The following TOP6BL variants were observed in gnomAD, a reference collection of about 807,000 sequenced individuals.
TOP6BL encodes the protein type 2 DNA topoisomerase 6 subunit B-like.
chr11:66,751,927 C>A, the TOP6BL span, among the ~76,000 whole-genome samples: 1 of 152,120 alleles, frequency 6.6e-6, no homozygotes, highest in African/African-American at 2.4e-5. Context: ...TTGTCTAAAT[C>A]TACTCAATAT....
At chr11:66,767,557 A>G in the TOP6BL span, among the ~76,000 whole-genome samples, 6 of 152,216 alleles carry the variant, frequency 3.9e-5, no homozygotes, top group South Asian at 1.2e-3. Context: ...GTTTATTGAC[A>G]TAACTTAGCT....
chr11:66,803,928 G>T, the TOP6BL span: 1 of 1,345,840 alleles, frequency 7.4e-7, no homozygotes, highest in East Asian at 2.3e-5. Context: ...AAATAATTTT[G>T]AATGCTCTTT....
the TOP6BL span, among the ~76,000 whole-genome samples, chr11:66,774,968 C>T: frequency 1.3e-5 from 2 of 151,544 alleles, no homozygotes; most frequent in Non-Finnish European, 2.9e-5. Flanking sequence ...CAAAAATTAG[C>T]CAGGCATGGT....
the TOP6BL span, chr11:66,804,184 A>C: frequency 2.5e-6 from 4 of 1,608,290 alleles, no homozygotes; most frequent in African/African-American, 5.3e-5. Flanking sequence ...GGATTTCTTC[A>C]GTTTCCATAT....
the TOP6BL span, among the ~76,000 whole-genome samples, chr11:66,841,110 A>ATTTTTTT: frequency 1.2e-4 from 10 of 84,630 alleles, no homozygotes; most frequent in East Asian, 3.8e-4. Context: ...GAGGCCTCTC[A>ATTTTTTT]TTTTTTTTTT....
At chr11:66,803,196 T>A in the TOP6BL span, among the ~76,000 whole-genome samples, 3 of 152,156 alleles carry the variant, frequency 2.0e-5, no homozygotes, top group Non-Finnish European at 4.4e-5. Flanking sequence ...CATTTGTGAT[T>A]CATGGGCCCC....
At chr11:66,760,276 T>A in the TOP6BL span, among the ~76,000 whole-genome samples, 6 of 146,890 alleles carry the variant, frequency 4.1e-5, no homozygotes, top group African/African-American at 1.3e-4. Flanking sequence ...AATCCCCATC[T>A]CTACTAAAAA....
the TOP6BL span, among the ~76,000 whole-genome samples, chr11:66,752,063 C>A: frequency 6.6e-6 from 1 of 151,798 alleles, no homozygotes; most frequent in African/African-American, 2.4e-5. Flanking sequence ...ACCTTGGAAT[C>A]TTCCCTTCAT....
chr11:66,761,637 G>T, the TOP6BL span: 1 of 1,214,564 alleles, frequency 8.2e-7, no homozygotes. Flanking sequence ...TGGTGCTCCG[G>T]GGCTGTGCGA....
At chr11:66,835,483 A>G in the TOP6BL span, among the ~76,000 whole-genome samples, 49 of 152,340 alleles carry the variant, frequency 3.2e-4, no homozygotes, top group East Asian at 8.5e-3. Flanking sequence ...GATTTTAAGT[A>G]TATTCACTGT....
chr11:66,765,367 G>GGCT, the TOP6BL span, among the ~76,000 whole-genome samples: 2 of 152,172 alleles, frequency 1.3e-5, no homozygotes, highest in Non-Finnish European at 2.9e-5. Flanking sequence ...GTACAAAGAG[G>GGCT]AAGTACTGCA....
At chr11:66,744,781 G>A in the TOP6BL span, 1 of 1,247,714 alleles carries the variant, frequency 8.0e-7, no homozygotes, top group Non-Finnish European at 1.0e-6. Flanking sequence ...GGACTCGGGC[G>A]TGGGCACTGG....
chr11:66,828,312 G>A, the TOP6BL span: 17 of 1,613,668 alleles, frequency 1.1e-5, no homozygotes, highest in Admixed American at 1.2e-4. Context: ...AAAGTATTTC[G>A]TGAGATCACC....
chr11:66,794,339 G>A, the TOP6BL span, among the ~76,000 whole-genome samples: 2 of 151,614 alleles, frequency 1.3e-5, no homozygotes, highest in Admixed American at 1.3e-4. Flanking sequence ...TTGGAGTTCT[G>A]CATTTTCTAG....
chr11:66,833,040 CTTTTTTTTTTT>C, the TOP6BL span, among the ~76,000 whole-genome samples: 531 of 117,266 alleles, frequency 4.5e-3, 5 homozygotes, highest in African/African-American at 0.017. Flanking sequence ...ATCTTTCTGC[CTTTTTTTTTTT>C]TTTTTTTTTT....
chr11:66,788,279 GT>G, the TOP6BL span: 1 of 1,555,346 alleles, frequency 6.4e-7, no homozygotes, highest in Admixed American at 1.7e-5. Flanking sequence ...GGCAGGTTTT[GT>G]TGTGGTCTTA....
the TOP6BL span, among the ~76,000 whole-genome samples, chr11:66,803,777 A>G: frequency 6.6e-6 from 1 of 152,166 alleles, no homozygotes; most frequent in Non-Finnish European, 1.5e-5. Context: ...GTGGCAGCAA[A>G]AGCAGGAGCA....
the TOP6BL span, among the ~76,000 whole-genome samples, chr11:66,783,328 A>G: frequency 6.6e-6 from 1 of 152,188 alleles, no homozygotes; most frequent in Non-Finnish European, 1.5e-5. Context: ...ACCCCACTGC[A>G]CATAGCCTGG....
the TOP6BL span, among the ~76,000 whole-genome samples, chr11:66,749,978 C>G: frequency 6.6e-6 from 1 of 152,150 alleles, no homozygotes; most frequent in Non-Finnish European, 1.5e-5. Flanking sequence ...TTCTACACAT[C>G]TCACGCCTTT....
Sources: gnomAD v4.1 joint callset for allele counts (sites outside exome capture counted in the v4.1 genomes callset) on GRCh38, gnomAD v4.1.1 for gene constraint, MANE v1.5 for transcripts, NCBI Gene and HGNC (gene_info 2026-07-23, HGNC 2026-07-21) for gene names.